The following RASGRF2 variants were observed in gnomAD, a reference collection of about 807,000 sequenced individuals.
RASGRF2 encodes Ras protein specific guanine nucleotide releasing factor 2.
Under a neutral mutation model 151.0 loss-of-function variants are expected in RASGRF2, and 76 were observed. The observed-to-expected ratio is 0.50, with a 90% CI of 0.42 to 0.61. RASGRF2 has a LOEUF of 0.61. Among genes scored for constraint, RASGRF2 ranks in the 20% least tolerant of loss-of-function variants. The pLI is 0.00. For synonymous variants in RASGRF2, 504 were observed against 566.5 expected (o/e 0.89, Z 1.57); for missense variants, 1,148 against 1,564.6 (o/e 0.73, Z 4.49).
At chr5:80,998,593 C>G (rs1210958150) in intron 1 of RASGRF2, among the ~76,000 whole-genome samples, 1 of 152,186 alleles carries the variant, frequency 6.6e-6, no homozygotes, top group Non-Finnish European at 1.5e-5. Flanking sequence ...TAGCAGGCTT[C>G]CTATTTGCAC....
At chr5:81,176,714 G>T (rs1389435639) in intron 17 of RASGRF2, among the ~76,000 whole-genome samples, 1 of 152,142 alleles carries the variant, frequency 6.6e-6, no homozygotes, top group Non-Finnish European at 1.5e-5. Context: ...TTTTGTTGGG[G>T]TCCTCAGGGT....
Position 81,015,788 on chromosome 5 carries a change from G to C in RASGRF2, c.289-27089G>C, listed in dbSNP as rs1226289790. On this transcript the variant is annotated intron_variant, in intron 1 of 26. Coordinates refer to ENST00000265080, the MANE Select transcript of RASGRF2 (RefSeq NM_006909.3). ...AGTGTTGGTCAATGAATTTGTGTTA[G>C]TTATTGCACTTAAATTCATTGAGTA... Among the ~76,000 whole-genome samples, 4 of 152,116 alleles carry C rather than the reference G, an allele frequency of 2.6e-5. No homozygotes were observed. In the East Asian group the frequency reaches 7.7e-4, roughly 29 times the overall value.
At chr5:81,107,729 A>G (rs1447175993) in intron 12 of RASGRF2, among the ~76,000 whole-genome samples, 1 of 152,240 alleles carries the variant, frequency 6.6e-6, no homozygotes, top group Non-Finnish European at 1.5e-5. Context: ...GATAAGGTGG[A>G]GCATAAATTC....
At chr5:81,146,671 G>A (rs1446372293) in intron 17 of RASGRF2, among the ~76,000 whole-genome samples, 1 of 152,148 alleles carries the variant, frequency 6.6e-6, no homozygotes, top group Non-Finnish European at 1.5e-5. Context: ...TTGTCGGGGT[G>A]CGGCAGAGGG....
intron 17 of RASGRF2, among the ~76,000 whole-genome samples, chr5:81,158,577 A>T (rs1349955325): frequency 2.0e-5 from 3 of 152,174 alleles, no homozygotes; most frequent in Non-Finnish European, 2.9e-5. Flanking sequence ...GGAATTCTAT[A>T]CGAAATATAT....
intron 18 of RASGRF2, among the ~76,000 whole-genome samples, chr5:81,190,698 T>C (rs750125250): frequency 4.3e-4 from 65 of 152,366 alleles, no homozygotes; most frequent in Admixed American, 7.8e-4. Context: ...CAAAGTTTTT[T>C]CTTATTTTTA....
intron 3 of RASGRF2, among the ~76,000 whole-genome samples, chr5:81,068,918 C>T (rs141814523): frequency 3.2e-4 from 48 of 152,294 alleles, no homozygotes; most frequent in African/African-American, 1.1e-3. Context: ...TAAGCAATCA[C>T]TGAAGAATGG....
intron 1 of RASGRF2, among the ~76,000 whole-genome samples, chr5:80,987,569 A>G (rs1190839898): frequency 1.3e-5 from 2 of 152,178 alleles, no homozygotes; most frequent in Non-Finnish European, 2.9e-5. Context: ...TTTTGAGCAC[A>G]TGATGCATGC....
intron 18 of RASGRF2, among the ~76,000 whole-genome samples, chr5:81,198,563 C>A (rs1755319797): frequency 6.6e-6 from 1 of 152,158 alleles, no homozygotes; most frequent in African/African-American, 2.4e-5. Flanking sequence ...CCTCAGCCTC[C>A]AGAGTAGCTG....
In RASGRF2 at chr5:81,229,975, TTGAG is replaced by T. The variant is rs1291398311; in HGVS notation, c.*4208_*4211del. 6.6e-6 allele frequency: 1 copy of T among 152,190 alleles called. No homozygotes were observed. Among genetic ancestry groups the T allele is most frequent in the African/African-American group, 2.4e-5 (1 of 41,456 alleles). 9.4% of individuals were successfully genotyped at this position (152,190 alleles called of 1,614,324 possible). On this transcript the variant is annotated 3_prime_UTR_variant, in exon 27 of 27. Coordinates refer to ENST00000265080, the MANE Select transcript of RASGRF2 (RefSeq NM_006909.3). ...GGATTTCAATGTATTTCTTTATCAT[TTGAG>T]TGTGTGTGTGATGGACGAATATGTG...
At chr5:80,996,772 G>A (rs1009784855) in intron 1 of RASGRF2, among the ~76,000 whole-genome samples, 1 of 150,886 alleles carries the variant, frequency 6.6e-6, no homozygotes, top group East Asian at 1.9e-4. Context: ...GCTAATTTTT[G>A]TCTTTTTAGT....
At chr5:81,008,307 C>T (rs540033240) in intron 1 of RASGRF2, among the ~76,000 whole-genome samples, 9 of 151,982 alleles carry the variant, frequency 5.9e-5, no homozygotes, top group East Asian at 5.8e-4. Context: ...TGTGTCACCA[C>T]GCCCGGCTAA....
At chr5:81,146,768 A>G (rs2112611626) in intron 17 of RASGRF2, among the ~76,000 whole-genome samples, 1 of 152,264 alleles carries the variant, frequency 6.6e-6, no homozygotes, top group Non-Finnish European at 1.5e-5. Flanking sequence ...TTTTAAACAC[A>G]AGGTGTAAAT....
chr5:81,016,472 T>C (rs923231635), intron 1 of RASGRF2, among the ~76,000 whole-genome samples: 5 of 152,226 alleles, frequency 3.3e-5, no homozygotes, highest in African/African-American at 1.2e-4. Flanking sequence ...TTCTGACTCC[T>C]TATTGTCCTT....
At chr5:81,144,176 G>C (rs1357417379) in intron 17 of RASGRF2, among the ~76,000 whole-genome samples, 1 of 152,196 alleles carries the variant, frequency 6.6e-6, no homozygotes, top group South Asian at 2.1e-4. Flanking sequence ...CAAGCTTTTA[G>C]TTAAAAAAAT....
intron 1 of RASGRF2, among the ~76,000 whole-genome samples, chr5:81,026,012 TTCCCTCCTTCCTTCCA>T (rs1211576369): frequency 2.6e-5 from 2 of 75,666 alleles, no homozygotes; most frequent in African/African-American, 1.1e-4. Context: ...CCTTTCTTCC[TTCCCTCCTTCCTTCCA>T]TCCTTCCCTC....
chr5:81,064,676 G>A (rs72769292), intron 2 of RASGRF2, among the ~76,000 whole-genome samples: 9 of 152,236 alleles, frequency 5.9e-5, no homozygotes, highest in Middle Eastern at 3.4e-3. Context: ...ATGCTGCATC[G>A]TGTAACATGT....
chr5:81,053,232 C>T (rs1209418896), intron 2 of RASGRF2, among the ~76,000 whole-genome samples: 1 of 150,948 alleles, frequency 6.6e-6, no homozygotes, highest in Non-Finnish European at 1.5e-5. Context: ...CCCATTAACT[C>T]ATCATTTACA....
Position 81,042,977 on chromosome 5 carries a change from A to T in RASGRF2, c.389A>T (p.Gln130Leu), listed in dbSNP as rs1050306530. 4.4e-6 allele frequency: 7 copies of T among 1,608,352 alleles called. No individual in the cohort carries two copies. In the African/African-American group the frequency reaches 9.4e-5, roughly 21 times the overall value. ...AAAGAGTGGATGGAGGCCATTCACC[A>T]AGCCAGGTATAGGCTCAGTCTTCCT... is the stretch of plus-strand genomic sequence containing the variant. ...DGKEWMEAIH[Q>L]ASYADILIER... Residue 130 changes from glutamine (Q) to leucine (L), a missense_variant, in exon 2 of 27, where the codon CAA becomes CTA. Coordinates refer to ENST00000265080, the MANE Select transcript of RASGRF2 (RefSeq NM_006909.3).
Sources: allele counts gnomAD v4.1 joint callset (sites outside exome capture counted in the v4.1 genomes callset), GRCh38; gene constraint gnomAD v4.1.1; transcripts MANE v1.5; gene names NCBI Gene and HGNC (gene_info 2026-07-23, HGNC 2026-07-21).